The following PPP6R3 variants were observed in gnomAD, a reference collection of about 807,000 sequenced individuals.
The protein encoded by PPP6R3 is serine/threonine-protein phosphatase 6 regulatory subunit 3.
In PPP6R3, 38 loss-of-function variants were observed where a neutral mutation model predicts 110.7. The ratio of observed to expected loss-of-function variants is 0.34; its 90% CI spans 0.26 to 0.45. PPP6R3 has a LOEUF of 0.45. Among genes scored for constraint, PPP6R3 ranks in the 20% least tolerant of loss-of-function variants. PPP6R3 has a pLI of 1.00. For missense variants in PPP6R3, 870 were observed against 1,062.4 expected (o/e 0.82, Z 2.52); for synonymous variants, 369 against 373.5 (o/e 0.99, Z 0.14).
At chr11:68,539,432 G>A (rs1008581537) in intron 3 of PPP6R3, among the ~76,000 whole-genome samples, 3 of 152,154 alleles carry the variant, frequency 2.0e-5, no homozygotes, top group East Asian at 1.9e-4. Context: ...ATATTGCTTC[G>A]TCAGTGTTTT....
At chr11:68,520,458 T>G (rs2099158573) in intron 2 of PPP6R3, among the ~76,000 whole-genome samples, 1 of 152,212 alleles carries the variant, frequency 6.6e-6, no homozygotes, top group South Asian at 2.1e-4. Context: ...CCTGGAGAGA[T>G]ACTATGGTGG....
chr11:68,614,638 G>A lies in PPP6R3; in HGVS notation c.*1521G>A. Reference sequence around the variant, plus strand: ...TTTCCTTTTTCATTTTAAGTGGTGTGGAGATTCCAGCACTCCCAGGACAGT... The same window carrying A: ...TTTCCTTTTTCATTTTAAGTGGTGTAGAGATTCCAGCACTCCCAGGACAGT... On this transcript the variant is annotated 3_prime_UTR_variant, in exon 24 of 24. Transcript: ENST00000393800. The A allele has an allele frequency of 6.6e-7, 1 of 1,517,596 alleles. No homozygotes were observed. The highest frequency in any genetic ancestry group is 8.8e-7 in the Non-Finnish European group (1 of 1,139,076). 94.0% of individuals were successfully genotyped at this position (1,517,596 alleles called of 1,614,324 possible). A position where few individuals can be genotyped will look rare whatever the true frequency, so the allele number is the denominator to read the frequency against.
At chr11:68,566,251 CTGCTGCTGCTGT>C (rs1389257998) in intron 9 of PPP6R3, among the ~76,000 whole-genome samples, 1 of 152,140 alleles carries the variant, frequency 6.6e-6, no homozygotes, top group African/African-American at 2.4e-5. Flanking sequence ...GCTGCTGCTG[CTGCTGCTGCTGT>C]TGCTACTACT....
intron 7 of PPP6R3, among the ~76,000 whole-genome samples, chr11:68,557,729 A>G (rs1218563851): frequency 6.6e-6 from 1 of 152,180 alleles, no homozygotes; most frequent in Non-Finnish European, 1.5e-5. Flanking sequence ...CATGTTGGTC[A>G]GGCTGGTCTC....
intron 1 of PPP6R3, among the ~76,000 whole-genome samples, chr11:68,468,907 G>A (rs1328573818): frequency 2.6e-5 from 4 of 152,212 alleles, no homozygotes; most frequent in Non-Finnish European, 5.9e-5. Flanking sequence ...TAACTTTGCT[G>A]TGGAGTCTCA....
rs754988432 is a variant in PPP6R3, at chr11:68,533,210, G to C, written c.-6-4449G>C. 6.8e-4 allele frequency among the ~76,000 whole-genome samples: 103 copies of C among 152,240 alleles called. 2 individuals are homozygous for C. Among genetic ancestry groups the C allele is most frequent in the Non-Finnish European group, 1.3e-4 (9 of 68,018 alleles). ...ATAGAAGCGAAGGCCCAGCAGGGGTGACTAATTTACCAGTGCCATTTGTTT... is the reference window on the plus strand; with the variant it reads ...ATAGAAGCGAAGGCCCAGCAGGGGTCACTAATTTACCAGTGCCATTTGTTT... On this transcript the variant is annotated intron_variant, in intron 2 of 23. Coordinates refer to ENST00000393800, the MANE Select transcript of PPP6R3 (RefSeq NM_001164161.2).
chr11:68,555,263 T>C (rs979908608), intron 7 of PPP6R3, among the ~76,000 whole-genome samples: 3 of 152,148 alleles, frequency 2.0e-5, no homozygotes, highest in Non-Finnish European at 2.9e-5. Context: ...TTAAAACATA[T>C]AAGACACCCC....
intron 2 of PPP6R3, among the ~76,000 whole-genome samples, chr11:68,531,598 G>C (rs183509600): frequency 3.9e-5 from 6 of 152,242 alleles, no homozygotes; most frequent in Admixed American, 3.3e-4. Flanking sequence ...AGCCAAGACT[G>C]CATTTTGACA....
chr11:68,470,677 AG>A (rs755053567), intron 1 of PPP6R3, among the ~76,000 whole-genome samples: 1 of 152,054 alleles, frequency 6.6e-6, no homozygotes, highest in Non-Finnish European at 1.5e-5. Context: ...CTGGGACTGA[AG>A]GGGAGCAGGG....
At chr11:68,589,229 T>C (rs953583424) in intron 16 of PPP6R3, among the ~76,000 whole-genome samples, 4 of 151,960 alleles carry the variant, frequency 2.6e-5, no homozygotes, top group East Asian at 1.9e-4. Context: ...ATAACAATAA[T>C]AATAATAATA....
rs1414685120 is a variant in PPP6R3, at chr11:68,613,581, G to T, written c.*464G>T. The T allele has an allele frequency of 1.9e-5, 19 of 986,008 alleles. No homozygotes were observed. The highest frequency in any genetic ancestry group is 2.2e-5 in the Non-Finnish European group (18 of 830,130). The allele number at this position is 986,008 out of a possible 1,614,324, so 61.1% of individuals were successfully genotyped here. Reference sequence around the variant, plus strand: ...ATTCATTTTTCCTCCAGGCCGACAAGGAGTTGTAGAATGAAAATGCCCTCT... The same window carrying T: ...ATTCATTTTTCCTCCAGGCCGACAATGAGTTGTAGAATGAAAATGCCCTCT... On this transcript the variant is annotated 3_prime_UTR_variant, in exon 24 of 24. Transcript: ENST00000393800.
In PPP6R3 at chr11:68,555,482, C is replaced by T. The variant is rs114523286; in HGVS notation, c.731+1225C>T. ...TATTTTACACTTAGAACATGCCGGT[C>T]AGACGAGTTAAATTTTGGGTGCTTG... On this transcript the variant is annotated intron_variant, in intron 7 of 23. Transcript: ENST00000393800. 2.7e-3 allele frequency among the ~76,000 whole-genome samples: 404 copies of T among 152,308 alleles called. 4 individuals are homozygous for T. The highest frequency in any genetic ancestry group is 8.5e-3 in the African/African-American group (353 of 41,568).
At chr11:68,519,987 G>C (rs1281689472) in intron 2 of PPP6R3, among the ~76,000 whole-genome samples, 1 of 152,176 alleles carries the variant, frequency 6.6e-6, no homozygotes, top group Non-Finnish European at 1.5e-5. Context: ...CCAGGGCACC[G>C]GGACTCTGTC....
rs751916848 is a variant in PPP6R3, at chr11:68,544,828, G to T, written c.228-10G>T. ...ATAAAGATGATGATGTAAATATCCT[G>T]TTCTTCTAGGTATCCAAATATATCT... On this transcript the variant is annotated splice_polypyrimidine_tract_variant and intron_variant, in intron 3 of 23. Transcript: ENST00000393800. The T allele has an allele frequency of 6.4e-7, 1 of 1,557,676 alleles. No homozygotes were observed. The highest frequency in any genetic ancestry group is 1.7e-5 in the Admixed American group (1 of 58,428).
At chr11:68,522,444 A>G (rs1465898377) in intron 2 of PPP6R3, 1 of 152,264 alleles carries the variant, frequency 6.6e-6, no homozygotes. Context: ...AGATTTCTAC[A>G]GCTATCCAGT....
intron 20 of PPP6R3, among the ~76,000 whole-genome samples, chr11:68,601,448 T>C (rs533380107): frequency 1.3e-5 from 2 of 152,326 alleles, no homozygotes; most frequent in East Asian, 3.9e-4. Context: ...AGGGCCAGTC[T>C]CTCCCAGGCA....
At chr11:68,533,736 A>AATCACTTT (rs1306076652) in intron 2 of PPP6R3, among the ~76,000 whole-genome samples, 5 of 151,260 alleles carry the variant, frequency 3.3e-5, no homozygotes, top group South Asian at 2.1e-4. Flanking sequence ...AAAAGGAATT[A>AATCACTTT]ATCACTTTAC....
intron 1 of PPP6R3, among the ~76,000 whole-genome samples, chr11:68,517,107 T>C (rs2153561205): frequency 6.6e-6 from 1 of 151,826 alleles, no homozygotes; most frequent in Non-Finnish European, 1.5e-5. Context: ...TTTTTGTTCT[T>C]TCTTTTTTTT....
At chr11:68,507,244 GCA>G (rs2099083351) in intron 1 of PPP6R3, among the ~76,000 whole-genome samples, 1 of 122,320 alleles carries the variant, frequency 8.2e-6, no homozygotes, top group African/African-American at 3.2e-5. Flanking sequence ...TAGTCTTTTT[GCA>G]TTTTTTTTTT....
Sources: allele counts gnomAD v4.1 joint callset (sites outside exome capture counted in the v4.1 genomes callset), GRCh38; gene constraint gnomAD v4.1.1; transcripts MANE v1.5; gene names NCBI Gene and HGNC (gene_info 2026-07-23, HGNC 2026-07-21).